Variants in GADL1 observed in about 807,000 individuals in gnomAD.
The protein encoded by GADL1 is GAD like acidic amino acid decarboxylase 1.
GADL1 carries 71 observed loss-of-function variants against 69.5 expected under a neutral mutation model. That is an observed-to-expected ratio of 1.02 (90% CI 0.84 to 1.25). The LOEUF (loss-of-function observed/expected upper bound fraction) is 1.25. Ranked by LOEUF, GADL1 falls within the 50% of genes most tolerant of loss-of-function variation. The pLI is 0.00. For missense variants in GADL1, 737 were observed against 631.8 expected (o/e 1.17, Z -1.79); for synonymous variants, 254 against 214.4 (o/e 1.18, Z -1.62).
intron 12 of GADL1, among the ~76,000 whole-genome samples, chr3:30,791,224 G>A (rs567772205): frequency 5.3e-4 from 80 of 152,166 alleles, no homozygotes; most frequent in South Asian, 1.2e-3. Flanking sequence ...CTACCTATAG[G>A]AGAAAAGCTT....
At position 30,814,967 on chromosome 3, in the gene GADL1, TAA is replaced by T. The variant is rs202079162; in HGVS notation, c.1051-13881_1051-13880del. ...TGACAGAGCCAGACTCTGTCTCATTTAAAAAAAAAAAAAAATTTTTTTCATTA... is the reference window on the plus strand; with the variant it reads ...TGACAGAGCCAGACTCTGTCTCATTTAAAAAAAAAAAAATTTTTTTCATTA... On this transcript the variant is annotated intron_variant, in intron 11 of 14. Transcript: ENST00000282538. Among the ~76,000 whole-genome samples, 93 of 131,856 alleles carry T rather than the reference TAA, an allele frequency of 7.1e-4. 1 individual carries two copies. Among genetic ancestry groups the T allele is most frequent in the Middle Eastern group, 8.2e-3 (2 of 244 alleles). 86.5% of individuals were successfully genotyped at this position (131,856 alleles called of 152,430 possible).
chr3:30,829,850 A>G (rs1697758188), intron 11 of GADL1, among the ~76,000 whole-genome samples: 1 of 151,944 alleles, frequency 6.6e-6, no homozygotes, highest in Non-Finnish European at 1.5e-5. Context: ...TACATGAAAA[A>G]TCATAATTAC....
intron 11 of GADL1, among the ~76,000 whole-genome samples, chr3:30,830,766 C>G (rs1037472899): frequency 1.3e-5 from 2 of 151,924 alleles, no homozygotes; most frequent in African/African-American, 4.8e-5. Context: ...TGCCAACTTC[C>G]TATGTGACTT....
At chr3:30,872,111 A>G (rs1349500427) in intron 1 of GADL1, among the ~76,000 whole-genome samples, 1 of 151,914 alleles carries the variant, frequency 6.6e-6, no homozygotes, top group Non-Finnish European at 1.5e-5. Context: ...CCATTTCTAA[A>G]TCTTTTGAAC....
intron 12 of GADL1, among the ~76,000 whole-genome samples, chr3:30,789,320 C>T (rs1696865318): frequency 6.6e-6 from 1 of 152,152 alleles, no homozygotes; most frequent in African/African-American, 2.4e-5. Flanking sequence ...TTTTTCTGAG[C>T]AGTAAGTCTC....
chr3:30,837,527 TC>T (rs1559356957), intron 9 of GADL1, among the ~76,000 whole-genome samples: 2 of 152,166 alleles, frequency 1.3e-5, no homozygotes, highest in African/African-American at 4.8e-5. Flanking sequence ...AGCTTTTCAT[TC>T]ATAAATCACA....
intron 2 of GADL1, among the ~76,000 whole-genome samples, chr3:30,859,335 A>G (rs1257677048): frequency 6.6e-6 from 1 of 151,250 alleles, no homozygotes; most frequent in Non-Finnish European, 1.5e-5. Flanking sequence ...TGCCTGAGAC[A>G]ATCAAAAGGA....
chr3:30,805,480 T>TGGTC (rs1200412174), intron 11 of GADL1, among the ~76,000 whole-genome samples: 5 of 152,222 alleles, frequency 3.3e-5, no homozygotes, highest in Admixed American at 6.5e-5. Context: ...ACATGACCTC[T>TGGTC]GGTCTTAGCA....
chr3:30,868,059 C>T (rs1366379976), intron 1 of GADL1, among the ~76,000 whole-genome samples: 3 of 151,982 alleles, frequency 2.0e-5, no homozygotes, highest in Non-Finnish European at 4.4e-5. Flanking sequence ...CCCAGACCTC[C>T]CACCTTGTCA....
intron 11 of GADL1, among the ~76,000 whole-genome samples, chr3:30,805,041 T>C (rs1242498434): frequency 6.6e-6 from 1 of 152,206 alleles, no homozygotes; most frequent in East Asian, 1.9e-4. Flanking sequence ...CCACAACTTT[T>C]ACTTTCCCTC....
At chr3:30,794,872 G>C (rs1434121878) in intron 12 of GADL1, among the ~76,000 whole-genome samples, 1 of 152,104 alleles carries the variant, frequency 6.6e-6, no homozygotes, top group Admixed American at 6.5e-5. Context: ...AAACTTCAAA[G>C]TTAAGCTCCA....
At chr3:30,772,747 G>C (rs1696444021) in intron 14 of GADL1, among the ~76,000 whole-genome samples, 1 of 152,090 alleles carries the variant, frequency 6.6e-6, no homozygotes, top group African/African-American at 2.4e-5. Flanking sequence ...ATAGTGGTGA[G>C]CAGCTGTAAT....
At position 30,861,334 on chromosome 3, in the gene GADL1, G is replaced by A. The variant is rs183973618; in HGVS notation, c.210+259C>T. ...AGGAAGTTTCATCCCTGTGCTTCAT[G>A]TCCTTATGTGATTAAGCTCTAGGGT... On this transcript the variant is annotated intron_variant, in intron 2 of 14. Transcript: ENST00000282538. 9.6e-5 allele frequency among the ~76,000 whole-genome samples: 12 copies of A among 124,848 alleles called. No homozygotes were observed. The East Asian group carries it at 3.2e-3, about 34-fold the overall frequency. The allele number at this position is 124,848 out of a possible 152,430, so 81.9% of individuals were successfully genotyped here.
intron 14 of GADL1, among the ~76,000 whole-genome samples, chr3:30,749,921 G>T (rs1559486173): frequency 6.6e-6 from 1 of 152,148 alleles, no homozygotes; most frequent in East Asian, 1.9e-4. Context: ...TTAAATCAGG[G>T]TATTCTACAG....
chr3:30,808,979 C>G (rs189612896), intron 11 of GADL1, among the ~76,000 whole-genome samples: 205 of 152,284 alleles, frequency 1.3e-3, no homozygotes, highest in African/African-American at 4.6e-3. Context: ...TGCACAGTGA[C>G]TAAACGGTGG....
chr3:30,745,470 GA>G (rs1399006419), intron 14 of GADL1, among the ~76,000 whole-genome samples: 1 of 152,156 alleles, frequency 6.6e-6, no homozygotes, highest in Non-Finnish European at 1.5e-5. Context: ...CCCAAATCAT[GA>G]AATTCTTTCC....
At chr3:30,751,438 C>CTTCTTTTATTCCTTCG (rs1373604264) in intron 14 of GADL1, among the ~76,000 whole-genome samples, 11 of 148,746 alleles carry the variant, frequency 7.4e-5, no homozygotes, top group African/African-American at 2.7e-4. Flanking sequence ...TCTTTCATTG[C>CTTCTTTTATTCCTTCG]TTCTTTTATT....
intron 14 of GADL1, among the ~76,000 whole-genome samples, chr3:30,741,343 T>C (rs560035103): frequency 3.2e-4 from 49 of 151,752 alleles, no homozygotes; most frequent in African/African-American, 1.2e-3. Flanking sequence ...TTCAATTTTT[T>C]ACCTTGCATA....
chr3:30,744,506 T>C (rs115852461), intron 14 of GADL1, among the ~76,000 whole-genome samples: 3,665 of 151,434 alleles, frequency 0.024, 71 homozygotes, highest in Middle Eastern at 0.048. Flanking sequence ...AGACCAGGAG[T>C]TCAAGACCAG....
Sources: allele counts gnomAD v4.1 joint callset (sites outside exome capture counted in the v4.1 genomes callset), GRCh38; gene constraint gnomAD v4.1.1; transcripts MANE v1.5; gene names NCBI Gene and HGNC (gene_info 2026-07-23, HGNC 2026-07-21).